The following MPV17L variants were observed in gnomAD, a reference collection of about 807,000 sequenced individuals.
MPV17L encodes the protein MPV17 mitochondrial inner membrane protein like, also known as mpv17-like protein.
In MPV17L, 24 loss-of-function variants were observed where a neutral mutation model predicts 25.8. The ratio of observed to expected loss-of-function variants is 0.93; its 90% CI spans 0.67 to 1.31. The LOEUF (loss-of-function observed/expected upper bound fraction) is 1.31, where lower values mean the gene tolerates loss of function less well. Ranked by LOEUF, MPV17L falls within the 50% of genes most tolerant of loss-of-function variation. MPV17L has a pLI of 0.00. For missense variants in MPV17L, 250 were observed against 265.6 expected, an observed-to-expected ratio of 0.94 and a Z score of 0.41; for synonymous variants, 102 against 115.3, an observed-to-expected ratio of 0.88 and a Z score of 0.74.
At chr16:15,406,161 C>G (rs1296948478) in intron 2 of MPV17L, among the ~76,000 whole-genome samples, 2 of 151,574 alleles carry the variant, frequency 1.3e-5, no homozygotes, top group African/African-American at 2.4e-5. Flanking sequence ...GCACTCCAGC[C>G]TGGGCAACAA....
intron 1 of MPV17L, among the ~76,000 whole-genome samples, chr16:15,396,413 G>A (rs1271214041): frequency 6.6e-6 from 1 of 152,142 alleles, no homozygotes; most frequent in Non-Finnish European, 1.5e-5. Context: ...GCGAAAATTT[G>A]CAGGAGGCAC....
intron 1 of MPV17L, 82 bp downstream of exon 1, chr16:15,396,289 A>T (rs2050583006): frequency 1.3e-6 from 2 of 1,489,976 alleles, no homozygotes; most frequent in Non-Finnish European, 1.8e-6. Context: ...AAGCGGCTGG[A>T]GGGAGGGCGC....
rs1434855711 is a variant in MPV17L, at chr16:15,411,475, G to A, written c.*3363G>A. On this transcript the variant is annotated 3_prime_UTR_variant, in exon 4 of 4. Transcript: ENST00000396385. ...AGCCTAGGCAACATGGCAAGAGCCT[G>A]TCTCTCCAAAACCTACAAAAATTAG... 3 of 151,994 alleles carry A rather than the reference G, an allele frequency of 2.0e-5. No homozygotes were observed. Among genetic ancestry groups the A allele is most frequent in the African/African-American group, 7.3e-5 (3 of 41,378 alleles). 9.4% of individuals were successfully genotyped at this position (151,994 alleles called of 1,614,324 possible).
Position 15,410,454 on chromosome 16 carries a change from G to A in MPV17L, c.*2342G>A, listed in dbSNP as rs2050723622. 4 of 152,262 alleles carry A rather than the reference G, an allele frequency of 2.6e-5. No homozygotes were observed. In the South Asian group the frequency reaches 8.3e-4, roughly 32 times the overall value. The allele number at this position is 152,262 out of a possible 1,614,324, so 9.4% of individuals were successfully genotyped here. On this transcript the variant is annotated 3_prime_UTR_variant, in exon 4 of 4. Coordinates refer to ENST00000396385, the MANE Select transcript of MPV17L (RefSeq NM_001128423.2). ...TAGTCCCAGCTACTCGGGAGGCTGA[G>A]GCAGACGAATGGCATGAACCCGGGA...
At chr16:15,403,059 CT>C (rs756233326) in intron 2 of MPV17L, among the ~76,000 whole-genome samples, 9,718 of 139,428 alleles carry the variant, frequency 0.07, 373 homozygotes, top group South Asian at 0.11. Context: ...GTACATCTAA[CT>C]TTTTTTTTTT....
intron 2 of MPV17L, among the ~76,000 whole-genome samples, chr16:15,402,865 G>C (rs913246280): frequency 1.3e-5 from 2 of 151,902 alleles, no homozygotes; most frequent in Non-Finnish European, 2.9e-5. Context: ...TTTTTCAGTA[G>C]AGATAGGGTT....
chr16:15,401,076 ATATATATATATTTTTTTTTTTT>A (rs1263505025), intron 2 of MPV17L, among the ~76,000 whole-genome samples: 1 of 31,290 alleles, frequency 3.2e-5, no homozygotes, highest in Non-Finnish European at 8.1e-5. Context: ...ATATATATAT[ATATATATATATTTTTTTTTTTT>A]TTTTTTTTTT....
chr16:15,402,563 T>C (rs1433048439), intron 2 of MPV17L, among the ~76,000 whole-genome samples: 1 of 54,584 alleles, frequency 1.8e-5, no homozygotes, highest in African/African-American at 4.4e-5. Context: ...GAACAGTAAC[T>C]ATAAGTGTGT....
intron 2 of MPV17L, among the ~76,000 whole-genome samples, chr16:15,402,725 T>C (rs1441476195): frequency 6.6e-6 from 1 of 152,136 alleles, no homozygotes; most frequent in East Asian, 1.9e-4. Context: ...CTCCGTAGCC[T>C]AGGCTGGAGT....
At chr16:15,397,839 G>T (rs2050600672) in intron 1 of MPV17L, among the ~76,000 whole-genome samples, 1 of 152,076 alleles carries the variant, frequency 6.6e-6, no homozygotes, top group Non-Finnish European at 1.5e-5. Context: ...TGGCTGACGG[G>T]GTCAGTGGGT....
intron 1 of MPV17L, among the ~76,000 whole-genome samples, chr16:15,397,903 T>G (rs2050601136): frequency 6.6e-6 from 1 of 151,666 alleles, no homozygotes; most frequent in South Asian, 2.1e-4. Flanking sequence ...AGAAGGTCTG[T>G]GCCTGTGCCC....
intron 2 of MPV17L, among the ~76,000 whole-genome samples, chr16:15,407,337 G>A (rs1396067039): frequency 6.6e-6 from 1 of 152,078 alleles, no homozygotes; most frequent in African/African-American, 2.4e-5. Context: ...GAGGCCTTAA[G>A]TAGTCTAAGT....
In MPV17L at chr16:15,408,601, C is replaced by CTTTTTTTT. The variant is rs4013478; in HGVS notation, c.*503_*510dup. 4.5e-4 allele frequency: 48 copies of CTTTTTTTT among 106,296 alleles called. No individual in the cohort carries two copies. Among genetic ancestry groups the CTTTTTTTT allele is most frequent in the African/African-American group, 1.3e-3 (36 of 28,168 alleles). The allele number at this position is 106,296 out of a possible 1,614,324, so 6.6% of individuals were successfully genotyped here. The stretch of plus-strand genomic sequence containing the variant: ...CACAATTTGTTATTTTAGTAAATAC[C>CTTTTTTTT]TTTTTTTTTTTTTTTTTTTTTGTGG... On this transcript the variant is annotated 3_prime_UTR_variant, in exon 4 of 4. Transcript: ENST00000396385.
rs1487611489 is a variant in MPV17L at position 15,410,237 on chromosome 16, A to C, written c.*2125A>C. 2.6e-5 allele frequency: 4 copies of C among 152,088 alleles called. No individual in the cohort carries two copies. Among genetic ancestry groups the C allele is most frequent in the African/African-American group, 9.7e-5 (4 of 41,418 alleles). 9.4% of individuals were successfully genotyped at this position (152,088 alleles called of 1,614,324 possible). A position where few individuals can be genotyped will look rare whatever the true frequency, so the allele number is the denominator to read the frequency against. The stretch of plus-strand genomic sequence containing the variant: ...GAGGCTGAGGTGGGAGGATTGCTTA[A>C]GGCAAGGAGTTTGAGACCAGCCTGG... On this transcript the variant is annotated 3_prime_UTR_variant, in exon 4 of 4. Coordinates refer to ENST00000396385, the MANE Select transcript of MPV17L (RefSeq NM_001128423.2).
At chr16:15,405,264 A>G (rs2050670492) in intron 2 of MPV17L, among the ~76,000 whole-genome samples, 1 of 151,842 alleles carries the variant, frequency 6.6e-6, no homozygotes, top group African/African-American at 2.4e-5. Context: ...ATGGCCAGGC[A>G]CAGTGGCTCC....
chr16:15,411,028 C>G lies in MPV17L; in HGVS notation c.*2916C>G, dbSNP rs1309467368. The G allele has an allele frequency of 1.3e-5, 2 of 152,014 alleles. No homozygotes were observed. The highest frequency in any genetic ancestry group is 1.5e-5 in the Non-Finnish European group (1 of 68,030). The allele number at this position is 152,014 out of a possible 1,614,324, so 9.4% of individuals were successfully genotyped here. A position where few individuals can be genotyped will look rare whatever the true frequency, so the allele number is the denominator to read the frequency against. On this transcript the variant is annotated 3_prime_UTR_variant, in exon 4 of 4. Coordinates refer to ENST00000396385, the MANE Select transcript of MPV17L (RefSeq NM_001128423.2). ...CGGGCAGATCACGAGGTCAGGAGAT[C>G]GAGACCATCCTGGCTAACATGGTGA... is the stretch of plus-strand genomic sequence containing the variant.
At chr16:15,406,457 T>A (rs118075723) in intron 2 of MPV17L, among the ~76,000 whole-genome samples, 6,347 of 152,104 alleles carry the variant, frequency 0.042, 160 homozygotes, top group East Asian at 0.054. Flanking sequence ...GACTTTTTTT[T>A]AAAAAATCAT....
intron 1 of MPV17L, among the ~76,000 whole-genome samples, chr16:15,397,425 G>T (rs2050596608): frequency 6.6e-6 from 1 of 152,174 alleles, no homozygotes; most frequent in South Asian, 2.1e-4. Context: ...ACAGGTTGAG[G>T]TCAGGAGGCT....
intron 2 of MPV17L, among the ~76,000 whole-genome samples, chr16:15,403,218 A>C (rs976881898): frequency 4.0e-5 from 6 of 151,830 alleles, no homozygotes; most frequent in African/African-American, 1.5e-4. Flanking sequence ...AAATACAACA[A>C]ATTAGCAGGG....
Sources: gnomAD v4.1 joint callset for allele counts (sites outside exome capture counted in the v4.1 genomes callset) on GRCh38, gnomAD v4.1.1 for gene constraint, MANE v1.5 for transcripts, NCBI Gene and HGNC (gene_info 2026-07-23, HGNC 2026-07-21) for gene names.